Variants in HLCS observed in about 807,000 individuals in gnomAD.
HLCS encodes holocarboxylase synthetase.
In HLCS, 53 loss-of-function variants were observed where a neutral mutation model predicts 75.0. The ratio of observed to expected loss-of-function variants is 0.71; its 90% confidence interval spans 0.57 to 0.89. HLCS has a LOEUF of 0.89. HLCS is among the 40% of genes least tolerant of loss of function. The pLI is 0.00. For missense variants in HLCS, 966 were observed against 1,074.0 expected (o/e 0.90, Z 1.41); for synonymous variants, 431 against 428.6 (o/e 1.01, Z -0.07).
chr21:36,966,489 C>T lies in HLCS; in HGVS notation c.150G>A (p.Val50=). The change falls in exon 1 of 11, where the codon GTG becomes GTA. Residue 50 remains valine, a synonymous_variant. Transcript: ENST00000674895. Reference sequence around the variant, plus strand: ...AGACGCGGCCGCCACGGCTCAGGCACACGCGGGCGCCCGGGGGCTGCGCGG... The same window carrying T: ...AGACGCGGCCGCCACGGCTCAGGCATACGCGGGCGCCCGGGGGCTGCGCGG... ...GAAAQPPGAR[V]CLSRGGRVFC... 1 of 985,766 alleles carries T rather than the reference C, an allele frequency of 1.0e-6. No homozygotes were observed. The highest frequency in any genetic ancestry group is 1.8e-5 in the African/African-American group (1 of 57,076). The allele number at this position is 985,766 out of a possible 1,614,324, so 61.1% of individuals were successfully genotyped here.
chr21:36,956,038 C>T (rs1423019280), intron 2 of HLCS, among the ~76,000 whole-genome samples: 1 of 152,146 alleles, frequency 6.6e-6, no homozygotes, highest in Non-Finnish European at 1.5e-5. Context: ...TAAGTACACT[C>T]TATGATGTTT....
chr21:36,972,755 A>G (rs1018649973), intron 1 of HLCS, among the ~76,000 whole-genome samples: 1 of 152,226 alleles, frequency 6.6e-6, no homozygotes, highest in Non-Finnish European at 1.5e-5. Flanking sequence ...TCTTATAACT[A>G]ATTTGAAATG....
Position 36,897,140 on chromosome 21 carries a change from TAAAG to T in HLCS, c.1621-13_1621-10del, listed in dbSNP as rs377641674. On this transcript the variant is annotated splice_polypyrimidine_tract_variant and intron_variant, in intron 5 of 10. Transcript: ENST00000674895. ...AGAGGATCCCTGATTTCCTGTGTCA[TAAAG>T]AAAGAAATGAGATGGTCGTAATTTG... 902 of 1,614,098 alleles carry T rather than the reference TAAAG, an allele frequency of 5.6e-4. 6 individuals carry two copies. The African/African-American group carries it at 0.011, about 20-fold the overall frequency.
chr21:36,806,841 C>T (rs2061375587), intron 6 of HLCS, among the ~76,000 whole-genome samples: 1 of 152,168 alleles, frequency 6.6e-6, no homozygotes, highest in African/African-American at 2.4e-5. Flanking sequence ...CAGCAGGATG[C>T]CTTTAGCTCA....
At chr21:36,872,445 G>C (rs948625847) in intron 6 of HLCS, among the ~76,000 whole-genome samples, 1 of 151,396 alleles carries the variant, frequency 6.6e-6, no homozygotes, top group Non-Finnish European at 1.5e-5. Flanking sequence ...CAATATTTTA[G>C]TTTTTATGTA....
intron 6 of HLCS, among the ~76,000 whole-genome samples, chr21:36,792,794 G>A (rs778311890): frequency 1.3e-5 from 2 of 152,192 alleles, no homozygotes; most frequent in Non-Finnish European, 2.9e-5. Flanking sequence ...TGCCTCCTGA[G>A]CCAGCAGCCA....
rs368177325 is a variant in HLCS, at chr21:36,897,058, A to G, written c.1694T>C (p.Leu565Pro). 2 of 1,614,168 alleles carry G rather than the reference A, an allele frequency of 1.2e-6. No homozygotes were observed. Among genetic ancestry groups the G allele is most frequent in the Non-Finnish European group, 1.7e-6 (2 of 1,180,014 alleles). Residue 565 changes from leucine (L) to proline (P), a missense_variant, in exon 6 of 11, where the codon CTC becomes CCC. Coordinates refer to ENST00000674895, the MANE Select transcript of HLCS (RefSeq NM_001352514.2). ...DSEGEIKSGQ[L>P]SLRFVSSYVS... is the part of the protein sequence containing the mutation. ...GTAGGATGAAACAAATCTAAGAGAG[A>G]GCTGGCCGGATTTTATTTCTCCCTC...
At chr21:36,945,055 A>G (rs1986063) in intron 2 of HLCS, among the ~76,000 whole-genome samples, 90,538 of 151,928 alleles carry the variant, frequency 0.6, 27,192 homozygotes, top group East Asian at 0.68. Context: ...AGGAAGCGGA[A>G]CTTGCAGTGA....
intron 6 of HLCS, among the ~76,000 whole-genome samples, chr21:36,802,915 T>C (rs1488037485): frequency 6.6e-6 from 1 of 152,208 alleles, no homozygotes; most frequent in Non-Finnish European, 1.5e-5. Context: ...CCTGATAATC[T>C]CAAAATAAGA....
upstream of HLCS, among the ~76,000 whole-genome samples, chr21:36,968,170 A>C (rs2068685030): frequency 6.6e-6 from 1 of 151,628 alleles, no homozygotes; most frequent in Non-Finnish European, 1.5e-5. Context: ...ATTATTTTTC[A>C]TAGAGACAGG....
At chr21:36,834,644 C>T (rs200108434) in intron 6 of HLCS, among the ~76,000 whole-genome samples, 2 of 152,182 alleles carry the variant, frequency 1.3e-5, no homozygotes, top group Admixed American at 6.5e-5. Context: ...CAACCTCTGC[C>T]TCCTGGGTTC....
intron 6 of HLCS, among the ~76,000 whole-genome samples, chr21:36,887,632 A>G (rs1018804571): frequency 5.3e-5 from 8 of 152,346 alleles, no homozygotes; most frequent in Admixed American, 5.2e-4. Flanking sequence ...TGCCAAAGTC[A>G]AAGGCCAAAG....
chr21:36,880,638 C>G (rs990219374), intron 6 of HLCS, among the ~76,000 whole-genome samples: 1 of 152,150 alleles, frequency 6.6e-6, no homozygotes, highest in Non-Finnish European at 1.5e-5. Flanking sequence ...GAGATTGCCA[C>G]GACTTGCAGA....
At chr21:36,948,673 G>A (rs1437891360) in intron 2 of HLCS, among the ~76,000 whole-genome samples, 3 of 126,458 alleles carry the variant, frequency 2.4e-5, no homozygotes, top group African/African-American at 9.0e-5. Flanking sequence ...AGGCTGCAGT[G>A]AGCCATGATC....
chr21:36,850,946 A>G (rs1011713337), intron 6 of HLCS, among the ~76,000 whole-genome samples: 43 of 152,216 alleles, frequency 2.8e-4, no homozygotes, highest in Admixed American at 6.5e-4. Context: ...TGGAGGGGTG[A>G]GGCGAGGATA....
At chr21:36,837,126 T>A (rs1569080780) in intron 6 of HLCS, among the ~76,000 whole-genome samples, 1 of 152,162 alleles carries the variant, frequency 6.6e-6, no homozygotes, top group Admixed American at 6.5e-5. Context: ...GAGGTTGCAG[T>A]GAGCCAAGAT....
chr21:36,927,502 A>G (rs2066460028), intron 5 of HLCS, among the ~76,000 whole-genome samples: 1 of 152,208 alleles, frequency 6.6e-6, no homozygotes, highest in Non-Finnish European at 1.5e-5. Context: ...CAAGGCACCA[A>G]ACTGTGTAAA....
chr21:36,924,772 A>G (rs2066328521), intron 5 of HLCS, among the ~76,000 whole-genome samples: 1 of 151,942 alleles, frequency 6.6e-6, no homozygotes, highest in Admixed American at 6.6e-5. Flanking sequence ...TTTTCCAGAA[A>G]CTTCTGCAGC....
In HLCS at chr21:36,818,218, T is replaced by C. The variant is rs1283486738; in HGVS notation, c.1893-50933A>G. Among the ~76,000 whole-genome samples the C allele has an allele frequency of 2.0e-5, 3 of 152,226 alleles. No homozygotes were observed. The East Asian group carries it at 5.8e-4, about 29-fold the overall frequency. On this transcript the variant is annotated intron_variant, in intron 6 of 10. Coordinates refer to ENST00000674895, the MANE Select transcript of HLCS (RefSeq NM_001352514.2). ...GAAGGATTTGAAGGTTGGAGCAATC[T>C]ATCAGACTAGTTAGCACATTGCCTA...
Sources: gnomAD v4.1 joint callset for allele counts (sites outside exome capture counted in the v4.1 genomes callset) on GRCh38, gnomAD v4.1.1 for gene constraint, MANE v1.5 for transcripts, NCBI Gene and HGNC (gene_info 2026-07-23, HGNC 2026-07-21) for gene names.